KIF26B: variants seen among roughly 807,000 people sequenced by gnomAD.
KIF26B encodes kinesin family member 26B, also known as kinesin-like protein KIF26B.
Under a neutral mutation model 151.2 loss-of-function variants are expected in KIF26B, and 63 were observed. The observed-to-expected ratio is 0.42, with a 90% confidence interval of 0.34 to 0.51. The LOEUF (loss-of-function observed/expected upper bound fraction) is 0.51. KIF26B is among the 20% of genes least tolerant of loss of function. The pLI, the probability that KIF26B is intolerant of heterozygous loss-of-function variation, is 0.07. For missense variants in KIF26B, 2,813 were observed against 2,913.6 expected (o/e 0.97, Z 0.79); for synonymous variants, 1,357 against 1,262.1 (o/e 1.08, Z -1.59).
intron 10 of KIF26B, among the ~76,000 whole-genome samples, chr1:245,661,876 A>T (rs892906913): frequency 4.7e-5 from 7 of 148,934 alleles, no homozygotes; most frequent in Non-Finnish European, 8.9e-5. Flanking sequence ...ACATACACAC[A>T]TACCCCCATA....
At chr1:245,354,119 C>A (rs1038430252) in intron 2 of KIF26B, among the ~76,000 whole-genome samples, 3 of 152,164 alleles carry the variant, frequency 2.0e-5, no homozygotes, top group Non-Finnish European at 4.4e-5. Context: ...CCCCACCAAG[C>A]ACATCCTGGC....
intron 2 of KIF26B, among the ~76,000 whole-genome samples, chr1:245,279,958 CCGTTG>C (rs1373307990): frequency 4.6e-4 from 70 of 152,034 alleles, no homozygotes; most frequent in African/African-American, 1.7e-3. Flanking sequence ...TTAAATCACT[CCGTTG>C]AGTGATTTAA....
At chr1:245,190,634 G>GTTTTTTTTTTTTTTTTTTTTTTT (rs149338802) in intron 2 of KIF26B, among the ~76,000 whole-genome samples, 2 of 106,852 alleles carry the variant, frequency 1.9e-5, no homozygotes, top group African/African-American at 3.0e-5. Flanking sequence ...TGAATGTTTT[G>GTTTTTTTTTTTTTTTTTTTTTTT]TTTTGTTTTT....
chr1:245,611,877 C>T lies in KIF26B; in HGVS notation c.1999C>T (p.His667Tyr). 8 of 1,613,906 alleles carry T rather than the reference C, an allele frequency of 5.0e-6. No homozygotes were observed. Among genetic ancestry groups the T allele is most frequent in the Non-Finnish European group, 6.8e-6 (8 of 1,179,898 alleles). Reference protein sequence around the residue: ...LDAAIASRRSHQQDCDEDDHR... With the variant: ...LDAAIASRRSYQQDCDEDDHR... ...TGCCGCCATTGCCTCCCGCAGGAGCCACCAACAGGACTGTGATGAGGACGA... is the reference window on the plus strand; with the variant it reads ...TGCCGCCATTGCCTCCCGCAGGAGCTACCAACAGGACTGTGATGAGGACGA... The change falls in exon 9 of 15, where the codon CAC becomes TAC. Residue 667 changes from histidine to tyrosine, a missense_variant. By Grantham distance (83) the His-to-Tyr change is moderately conservative. Coordinates refer to ENST00000407071, the MANE Select transcript of KIF26B (RefSeq NM_018012.4).
intron 4 of KIF26B, among the ~76,000 whole-genome samples, chr1:245,443,372 C>G (rs906596988): frequency 7.1e-6 from 1 of 141,552 alleles, no homozygotes; most frequent in Non-Finnish European, 1.5e-5. Context: ...ACTGTTCACC[C>G]TGCGGTCATC....
At chr1:245,558,372 A>T (rs1031230767) in intron 5 of KIF26B, among the ~76,000 whole-genome samples, 16 of 152,120 alleles carry the variant, frequency 1.1e-4, no homozygotes, top group African/African-American at 3.9e-4. Context: ...TGCAAAGAGG[A>T]CACACTTTCT....
intron 5 of KIF26B, among the ~76,000 whole-genome samples, chr1:245,556,171 GA>G (rs2103112687): frequency 6.6e-6 from 1 of 152,118 alleles, no homozygotes; most frequent in East Asian, 1.9e-4. Context: ...AACAGCTGCT[GA>G]ACAAAAATGC....
intron 10 of KIF26B, among the ~76,000 whole-genome samples, chr1:245,668,188 G>A (rs1470637846): frequency 3.9e-5 from 6 of 152,170 alleles, no homozygotes; most frequent in African/African-American, 1.4e-4. Context: ...GAGCCACCAA[G>A]CCCGGCCCCC....
At chr1:245,619,197 G>T (rs1274188723) in intron 9 of KIF26B, among the ~76,000 whole-genome samples, 77 of 137,436 alleles carry the variant, frequency 5.6e-4, no homozygotes, top group African/African-American at 1.9e-3. Flanking sequence ...ACAGTGCTGG[G>T]GCTGTGTCTG....
Position 245,685,677 on chromosome 1 carries a change from G to T in KIF26B, c.2694G>T (p.Lys898Asn). 2 of 1,613,030 alleles carry T rather than the reference G, an allele frequency of 1.2e-6. No homozygotes were observed. Among genetic ancestry groups the T allele is most frequent in the Non-Finnish European group, 1.7e-6 (2 of 1,179,804 alleles). The change falls in exon 12 of 15, where the codon AAG becomes AAT. Residue 898 changes from lysine (K) to asparagine (N), a missense_variant. Coordinates refer to ENST00000407071, the MANE Select transcript of KIF26B (RefSeq NM_018012.4). ...TCCCTATCGTGCCAGCCCTGCAGAA[G>T]ACCCGGGGCGACAGCCGGCCCGCAG... is the stretch of plus-strand genomic sequence containing the variant. ...DFVPIVPALQ[K>N]TRGDSRPAEA...
Position 245,446,871 on chromosome 1 carries a change from C to T in KIF26B, c.1166+27126C>T, listed in dbSNP as rs538676692. 3.3e-5 allele frequency among the ~76,000 whole-genome samples: 5 copies of T among 152,230 alleles called. No individual in the cohort carries two copies. The South Asian group carries it at 1.0e-3, about 32-fold the overall frequency. ...CGTTACTGTGATCACTAGGGAGTTCCCACCAGCATTGCTGTGGGTCCTGAA... is the reference window on the plus strand; with the variant it reads ...CGTTACTGTGATCACTAGGGAGTTCTCACCAGCATTGCTGTGGGTCCTGAA... On this transcript the variant is annotated intron_variant, in intron 4 of 14. Coordinates refer to ENST00000407071, the MANE Select transcript of KIF26B (RefSeq NM_018012.4).
At chr1:245,415,748 T>C (rs551412559) in intron 3 of KIF26B, among the ~76,000 whole-genome samples, 139 of 152,062 alleles carry the variant, frequency 9.1e-4, no homozygotes, top group African/African-American at 3.2e-3. Context: ...ACAGGAAATG[T>C]CTGCACGTTT....
At chr1:245,169,660 A>G (rs1125021) in intron 2 of KIF26B, among the ~76,000 whole-genome samples, 130,307 of 151,826 alleles carry the variant, frequency 0.86, 57,555 homozygotes, top group East Asian at 0.98. Context: ...AATATATCCA[A>G]TGAGGCACTC....
chr1:245,176,070 G>C (rs563453695), intron 2 of KIF26B, among the ~76,000 whole-genome samples: 1 of 152,030 alleles, frequency 6.6e-6, no homozygotes, highest in South Asian at 2.1e-4. Context: ...AACGAGCTCA[G>C]CTCACTGCAA....
chr1:245,612,137 T>C (rs1558236435), intron 9 of KIF26B, among the ~76,000 whole-genome samples, 161 bp downstream of exon 9: 2 of 146,594 alleles, frequency 1.4e-5, no homozygotes, highest in Non-Finnish European at 3.0e-5. Flanking sequence ...AGAGACAGGG[T>C]CTTGCTCTGT....
chr1:245,308,320 G>A (rs1671597127), intron 2 of KIF26B, among the ~76,000 whole-genome samples: 1 of 152,172 alleles, frequency 6.6e-6, no homozygotes, highest in African/African-American at 2.4e-5. Flanking sequence ...CAAATATGGT[G>A]AAATTTAACA....
chr1:245,615,918 A>C (rs552043558), intron 9 of KIF26B, among the ~76,000 whole-genome samples: 3 of 152,344 alleles, frequency 2.0e-5, no homozygotes, highest in Admixed American at 2.0e-4. Flanking sequence ...GTTTACTTAC[A>C]TATAAGTAAT....
At chr1:245,673,160 A>C (rs12733568) in intron 10 of KIF26B, among the ~76,000 whole-genome samples, 5,867 of 28,818 alleles carry the variant, frequency 0.2, 1,170 homozygotes, top group African/African-American at 0.33. Context: ...GCGCTGCCAT[A>C]TTAGGCCCAG....
chr1:245,206,261 T>A (rs549831957), intron 2 of KIF26B, among the ~76,000 whole-genome samples: 1 of 152,338 alleles, frequency 6.6e-6, no homozygotes, highest in East Asian at 1.9e-4. Context: ...ATGGTATATT[T>A]GGGTACAGAT....
Sources: allele counts gnomAD v4.1 joint callset (sites outside exome capture counted in the v4.1 genomes callset), GRCh38; gene constraint gnomAD v4.1.1; transcripts MANE v1.5; gene names NCBI Gene and HGNC (gene_info 2026-07-23, HGNC 2026-07-21).